Variants in CFAP58 observed in about 807,000 individuals in gnomAD.
CFAP58 encodes cilia and flagella associated protein 58.
CFAP58 carries 88 observed loss-of-function variants against 119.5 expected under a neutral mutation model. The observed-to-expected ratio is 0.74, with a 90% confidence interval of 0.62 to 0.88. The LOEUF is 0.88. Ranked by LOEUF, CFAP58 falls within the 40% of genes least tolerant of loss-of-function variation. CFAP58 has a pLI of 0.00. For missense variants in CFAP58, 990 were observed against 1,021.2 expected, an observed-to-expected ratio of 0.97 and a Z score of 0.42; for synonymous variants, 365 against 366.3, an observed-to-expected ratio of 1.00 and a Z score of 0.04.
rs113921762 is a variant in CFAP58 at position 104,355,594 on chromosome 10, T to C, written c.9+1688T>C. ...TTTCCCTTTTCCTTCTCCCCACTAA[T>C]TGATATTCCCAGAACTTAGGACAGG... is the stretch of plus-strand genomic sequence containing the variant. On this transcript the variant is annotated intron_variant, in intron 1 of 17. Transcript: ENST00000369704. Among the ~76,000 whole-genome samples, 349 of 152,336 alleles carry C rather than the reference T, an allele frequency of 2.3e-3. 2 individuals carry two copies. The highest frequency in any genetic ancestry group is 8.0e-3 in the African/African-American group (334 of 41,570).
At position 104,400,746 on chromosome 10, in the gene CFAP58, T is replaced by C. The variant is rs1480793134; in HGVS notation, c.1882T>C (p.Tyr628His). The change falls in exon 13 of 18, where the codon TAT (tyrosine) becomes CAT (histidine). Residue 628 changes from tyrosine to histidine, a missense_variant. By Grantham distance (83) the Tyr-to-His change is moderately conservative. Coordinates refer to ENST00000369704, the MANE Select transcript of CFAP58 (RefSeq NM_001008723.2). ...VRRNDELALL[Y>H]EKIKIQQSVL... ...GCGCAATGATGAGTTAGCTTTGCTC[T>C]ATGAGAAGATCAAGATCCAACAGTC... is the stretch of plus-strand genomic sequence containing the variant. 2 of 1,614,156 alleles carry C rather than the reference T, an allele frequency of 1.2e-6. No homozygotes were observed. Among genetic ancestry groups the C allele is most frequent in the Non-Finnish European group, 1.7e-6 (2 of 1,180,022 alleles).
At chr10:104,408,463 T>G (rs2012401654) in intron 15 of CFAP58, among the ~76,000 whole-genome samples, 1 of 152,226 alleles carries the variant, frequency 6.6e-6, no homozygotes, top group Non-Finnish European at 1.5e-5. Context: ...GCTGTTCCAC[T>G]GATGCTGGCC....
At chr10:104,432,067 T>C (rs1170927885) in intron 15 of CFAP58, among the ~76,000 whole-genome samples, 1 of 152,194 alleles carries the variant, frequency 6.6e-6, no homozygotes, top group South Asian at 2.1e-4. Flanking sequence ...AGCATCTCTC[T>C]AGGGTATGTA....
chr10:104,393,675 G>C (rs2012098385), intron 11 of CFAP58, among the ~76,000 whole-genome samples, 200 bp downstream of exon 11: 2 of 152,202 alleles, frequency 1.3e-5, no homozygotes, highest in African/African-American at 4.8e-5. Context: ...CTTACAGGTA[G>C]TGCTGCTAGG....
At chr10:104,346,480 T>A in the CFAP58 span, among the ~76,000 whole-genome samples, 42 of 152,036 alleles carry the variant, frequency 2.8e-4, no homozygotes, top group East Asian at 7.2e-3. Flanking sequence ...CCTGAGTAAC[T>A]AGGACTACAG....
At chr10:104,395,100 T>G (rs1378127158) in intron 11 of CFAP58, among the ~76,000 whole-genome samples, 1 of 152,230 alleles carries the variant, frequency 6.6e-6, no homozygotes, top group African/African-American at 2.4e-5. Flanking sequence ...ACTAATGTCG[T>G]TCTACAAAAT....
At chr10:104,344,612 CT>C in the CFAP58 span, among the ~76,000 whole-genome samples, 3 of 150,962 alleles carry the variant, frequency 2.0e-5, no homozygotes, top group Admixed American at 2.0e-4. Flanking sequence ...TTAATGTGGT[CT>C]TTTATAGAAA....
At chr10:104,433,825 A>G (rs1589934663) in intron 15 of CFAP58, among the ~76,000 whole-genome samples, 1 of 152,208 alleles carries the variant, frequency 6.6e-6, no homozygotes, top group Admixed American at 6.5e-5. Context: ...GTGGGCTTTC[A>G]TTGCTACATT....
the CFAP58 span, among the ~76,000 whole-genome samples, chr10:104,339,140 C>T: frequency 6.6e-6 from 1 of 152,254 alleles, no homozygotes; most frequent in East Asian, 1.9e-4. Flanking sequence ...ACTCCCTTCT[C>T]GGCCTTCCGA....
the CFAP58 span, among the ~76,000 whole-genome samples, chr10:104,345,368 T>A: frequency 6.6e-6 from 1 of 152,100 alleles, no homozygotes; most frequent in Non-Finnish European, 1.5e-5. Flanking sequence ...CCTTACTACC[T>A]GTACTTCTGT....
the CFAP58 span, among the ~76,000 whole-genome samples, chr10:104,346,274 A>C: frequency 1.3e-5 from 2 of 152,184 alleles, no homozygotes; most frequent in South Asian, 4.1e-4. Context: ...CTGAGGTAGA[A>C]ACATTGGAAG....
At chr10:104,377,647 A>G (rs561090874) in intron 8 of CFAP58, among the ~76,000 whole-genome samples, 100 of 152,320 alleles carry the variant, frequency 6.6e-4, no homozygotes, top group African/African-American at 2.0e-3. Context: ...GGGTGCTTCT[A>G]TAACAGCCAC....
chr10:104,358,651 C>T, intron 2 of CFAP58, 29 bp downstream of exon 2: 10 of 1,587,686 alleles, frequency 6.3e-6, no homozygotes, highest in Non-Finnish European at 8.6e-6. Context: ...ATGGAATGAA[C>T]CTGAATTTAA....
chr10:104,377,917 C>T (rs2011704075), intron 8 of CFAP58, among the ~76,000 whole-genome samples: 1 of 152,112 alleles, frequency 6.6e-6, no homozygotes, highest in African/African-American at 2.4e-5. Context: ...TACATTTGTA[C>T]ATATAAACAA....
chr10:104,342,565 G>T, the CFAP58 span, among the ~76,000 whole-genome samples: 1 of 151,554 alleles, frequency 6.6e-6, no homozygotes, highest in Non-Finnish European at 1.5e-5. Flanking sequence ...GGGTGCTGTG[G>T]CTCCTGTCCG....
At chr10:104,439,802 T>C (rs1404360204) in intron 15 of CFAP58, among the ~76,000 whole-genome samples, 1 of 152,204 alleles carries the variant, frequency 6.6e-6, no homozygotes, top group African/African-American at 2.4e-5. Context: ...TTTCTTTAAA[T>C]TTGGAAGTGA....
chr10:104,367,858 A>G (rs1165086422), intron 5 of CFAP58, among the ~76,000 whole-genome samples: 1 of 152,272 alleles, frequency 6.6e-6, no homozygotes, highest in African/African-American at 2.4e-5. Flanking sequence ...GGCAGGGAAG[A>G]GGAAAATCTG....
chr10:104,406,958 T>C (rs2012372909), intron 15 of CFAP58, among the ~76,000 whole-genome samples, 165 bp downstream of exon 15: 1 of 152,220 alleles, frequency 6.6e-6, no homozygotes, highest in Non-Finnish European at 1.5e-5. Context: ...GATTAATTGG[T>C]CTTTTACGTT....
At chr10:104,428,023 G>A (rs1417876093) in intron 15 of CFAP58, among the ~76,000 whole-genome samples, 1 of 152,202 alleles carries the variant, frequency 6.6e-6, no homozygotes, top group Admixed American at 6.5e-5. Context: ...ACATGGAGAG[G>A]CTCTGTATTC....
Sources: gnomAD v4.1 joint callset for allele counts (sites outside exome capture counted in the v4.1 genomes callset) on GRCh38, gnomAD v4.1.1 for gene constraint, MANE v1.5 for transcripts, NCBI Gene and HGNC (gene_info 2026-07-23, HGNC 2026-07-21) for gene names.